Variants in PCDHA1 observed in about 807,000 individuals in gnomAD.
PCDHA1 encodes protocadherin alpha-1.
PCDHA1 carries 42 observed loss-of-function variants against 61.3 expected under a neutral mutation model. That is an observed-to-expected ratio of 0.69 (90% CI 0.54 to 0.89). The LOEUF (loss-of-function observed/expected upper bound fraction) is 0.89, where lower values mean the gene tolerates loss of function less well. Among genes scored for constraint, PCDHA1 ranks in the 40% least tolerant of loss-of-function variants. The pLI is 0.00. For missense variants in PCDHA1, 1,256 were observed against 1,235.3 expected (o/e 1.02, Z -0.25); for synonymous variants, 610 against 553.8 (o/e 1.10, Z -1.43).
At chr5:140,865,724 G>T (rs1334768794) in intron 1 of PCDHA1, 1 of 152,164 alleles carries the variant, frequency 6.6e-6, no homozygotes, top group African/African-American at 2.4e-5. Flanking sequence ...GAGAAGCTGA[G>T]ATGTGTATCT....
chr5:141,000,705 G>A (rs912231910), intron 3 of PCDHA1, among the ~76,000 whole-genome samples: 6 of 151,458 alleles, frequency 4.0e-5, no homozygotes, highest in African/African-American at 1.2e-4. Context: ...TGGGATTACA[G>A]GCATGAGCCA....
chr5:140,835,340 A>G (rs1371030036), intron 1 of PCDHA1: 2 of 1,613,678 alleles, frequency 1.2e-6, no homozygotes, highest in Admixed American at 1.7e-5. Context: ...ACAAGATCCC[A>G]GTCGAGGCTG....
intron 3 of PCDHA1, among the ~76,000 whole-genome samples, chr5:140,998,223 G>A (rs1554256200): frequency 6.6e-6 from 1 of 152,140 alleles, no homozygotes; most frequent in Non-Finnish European, 1.5e-5. Context: ...ACCACACCCA[G>A]AAATTTGTGC....
chr5:140,989,132 C>T (rs943262599), intron 3 of PCDHA1: 2 of 152,216 alleles, frequency 1.3e-5, no homozygotes, highest in Admixed American at 1.3e-4. Context: ...AAATAAGACA[C>T]TTTATCCCTT....
intron 1 of PCDHA1, chr5:140,796,554 G>T: frequency 6.2e-7 from 1 of 1,613,164 alleles, no homozygotes; most frequent in Non-Finnish European, 8.5e-7. Flanking sequence ...AAGTGGAGCT[G>T]CTGCAGTTCC....
chr5:140,929,159 A>G lies in PCDHA1; in HGVS notation c.2395-49790A>G, dbSNP rs781818133. The G allele has an allele frequency of 1.7e-5, 27 of 1,613,968 alleles. No homozygotes were observed. Among genetic ancestry groups the G allele is most frequent in the South Asian group, 1.4e-4 (13 of 91,088 alleles). On this transcript the variant is annotated intron_variant, in intron 1 of 3. Coordinates refer to ENST00000504120, the MANE Select transcript of PCDHA1 (RefSeq NM_018900.4). The stretch of plus-strand genomic sequence containing the variant: ...GAGAGACTTTCTCAGACTTATCTCT[A>G]TCGGGCCTCTCTGGGACTTGGTTCT...
intron 3 of PCDHA1, among the ~76,000 whole-genome samples, chr5:141,006,952 A>G (rs2098296225): frequency 1.3e-5 from 2 of 152,212 alleles, no homozygotes; most frequent in South Asian, 4.1e-4. Flanking sequence ...ATAGGCAGTT[A>G]TACATGAGAT....
At chr5:140,832,058 T>C (rs1771820684) in intron 1 of PCDHA1, among the ~76,000 whole-genome samples, 1 of 152,234 alleles carries the variant, frequency 6.6e-6, no homozygotes, top group South Asian at 2.1e-4. Context: ...TAATTACCAA[T>C]TTAATCTGAG....
chr5:140,888,077 A>T (rs575248983), intron 1 of PCDHA1, among the ~76,000 whole-genome samples: 2 of 152,238 alleles, frequency 1.3e-5, no homozygotes, highest in African/African-American at 4.8e-5. Flanking sequence ...TGCTAATTTC[A>T]ACATTTTTGT....
intron 2 of PCDHA1, 91 bp downstream of exon 2, chr5:140,979,098 A>C: frequency 1.3e-6 from 2 of 1,547,480 alleles, no homozygotes; most frequent in East Asian, 2.3e-5. Flanking sequence ...AGCAGCTGTC[A>C]AAACTAAAAA....
At chr5:140,848,357 T>G in intron 1 of PCDHA1, 2 of 1,035,378 alleles carry the variant, frequency 1.9e-6, no homozygotes, top group Non-Finnish European at 2.9e-6. Flanking sequence ...CCTTTTCCCA[T>G]GGGAAAGAGG....
chr5:140,954,057 A>C (rs1554221238), intron 1 of PCDHA1, among the ~76,000 whole-genome samples: 1 of 152,112 alleles, frequency 6.6e-6, no homozygotes, highest in Admixed American at 6.5e-5. Flanking sequence ...TTCCTGCATT[A>C]TTATGCTGAG....
chr5:140,809,445 A>G (rs782301046), intron 1 of PCDHA1: 8 of 1,614,234 alleles, frequency 5.0e-6, no homozygotes, highest in Non-Finnish European at 6.8e-6. Flanking sequence ...TACTCGCAGC[A>G]GAGGAGGCCG....
At chr5:140,858,433 G>A in intron 1 of PCDHA1, 3 of 1,545,478 alleles carry the variant, frequency 1.9e-6, no homozygotes, top group Non-Finnish European at 2.6e-6. Flanking sequence ...ACCACTCTAG[G>A]AAGGTGGGTT....
chr5:140,844,849 G>T, intron 1 of PCDHA1, among the ~76,000 whole-genome samples: 1 of 148,746 alleles, frequency 6.7e-6, no homozygotes, highest in African/African-American at 2.5e-5. Flanking sequence ...TGTGACTGTT[G>T]GACCTGCCTG....
chr5:140,966,278 T>A, intron 1 of PCDHA1: 1 of 363,192 alleles, frequency 2.8e-6, no homozygotes, highest in Non-Finnish European at 4.9e-6. Context: ...AACTGGACAG[T>A]GGGGGTAGGG....
intron 1 of PCDHA1, chr5:140,876,134 A>T: frequency 6.2e-7 from 1 of 1,613,962 alleles, no homozygotes; most frequent in Non-Finnish European, 8.5e-7. Flanking sequence ...GGTAAACCAG[A>T]ACTAACAGGG....
chr5:140,921,257 A>G lies in PCDHA1; in HGVS notation c.2395-57692A>G, dbSNP rs115706395. On this transcript the variant is annotated intron_variant, in intron 1 of 3. Coordinates refer to ENST00000504120, the MANE Select transcript of PCDHA1 (RefSeq NM_018900.4). The stretch of plus-strand genomic sequence containing the variant: ...ATTAAGCCACAGATCAAAAAGTCCT[A>G]GACTTTTATACTTACTTGAAAAAAA... 1.4e-3 allele frequency among the ~76,000 whole-genome samples: 213 copies of G among 152,258 alleles called. 1 individual carries two copies. The highest frequency in any genetic ancestry group is 4.8e-3 in the African/African-American group (199 of 41,532).
At chr5:140,912,864 T>C (rs1483499385) in intron 1 of PCDHA1, among the ~76,000 whole-genome samples, 1 of 152,212 alleles carries the variant, frequency 6.6e-6, no homozygotes, top group East Asian at 1.9e-4. Context: ...TGAAATGATA[T>C]ATGGTTTTTG....
Sources: gnomAD v4.1 joint callset for allele counts (sites outside exome capture counted in the v4.1 genomes callset) on GRCh38, gnomAD v4.1.1 for gene constraint, MANE v1.5 for transcripts, NCBI Gene and HGNC (gene_info 2026-07-23, HGNC 2026-07-21) for gene names.